The following CSMD1 variants were observed in gnomAD, a reference collection of about 807,000 sequenced individuals.
The protein encoded by CSMD1 is CUB and Sushi multiple domains 1.
CSMD1 carries 213 observed loss-of-function variants against 417.5 expected under a neutral mutation model. The ratio of observed to expected loss-of-function variants is 0.51; its 90% confidence interval spans 0.46 to 0.57. The LOEUF (loss-of-function observed/expected upper bound fraction) is 0.57, where lower values mean the gene tolerates loss of function less well. Ranked by LOEUF, CSMD1 falls within the 20% of genes least tolerant of loss-of-function variation. The pLI is 0.00. For missense variants in CSMD1, 6,923 were observed against 4,529.7 expected (o/e 1.53, Z -15.17); for synonymous variants, 2,862 against 1,736.8 (o/e 1.65, Z -16.11).
At chr8:4,255,384 A>C (rs532338371) in intron 3 of CSMD1, among the ~76,000 whole-genome samples, 1 of 152,350 alleles carries the variant, frequency 6.6e-6, no homozygotes, top group Admixed American at 6.5e-5. Flanking sequence ...GACTGAGCAA[A>C]AAAATTAAAG....
chr8:3,809,881 C>T (rs894575871), intron 5 of CSMD1, among the ~76,000 whole-genome samples: 3 of 152,152 alleles, frequency 2.0e-5, no homozygotes, highest in Admixed American at 1.3e-4. Flanking sequence ...TCACCCGTTA[C>T]GTACCTTTGC....
chr8:3,456,112 G>T (rs58111397), intron 12 of CSMD1, among the ~76,000 whole-genome samples: 16,207 of 152,206 alleles, frequency 0.11, 1,555 homozygotes, highest in East Asian at 0.35. Flanking sequence ...CTCAAAGCCA[G>T]GTGCAGGATA....
At chr8:3,674,257 C>T (rs964810961) in intron 7 of CSMD1, among the ~76,000 whole-genome samples, 45 of 152,194 alleles carry the variant, frequency 3.0e-4, no homozygotes, top group African/African-American at 1.0e-3. Flanking sequence ...TGTTAGTTGA[C>T]TGTAACCCAT....
intron 3 of CSMD1, among the ~76,000 whole-genome samples, chr8:4,088,527 G>C (rs1329898396): frequency 2.0e-5 from 3 of 152,110 alleles, no homozygotes; most frequent in Non-Finnish European, 4.4e-5. Context: ...TCACTGGTTA[G>C]GATGCAAAAC....
At position 3,387,660 on chromosome 8, in the gene CSMD1, G is replaced by A; in HGVS notation, c.2616C>T (p.Ser872=). The change falls in exon 18 of 70, where the codon TCC becomes TCT. Residue 872 remains serine, a synonymous_variant. Coordinates refer to ENST00000635120, the MANE Select transcript of CSMD1 (RefSeq NM_033225.6). ...TCACAGGGATGCCCGGGTCCAGGCA[G>A]GAATCCGACTCAAGCGTCACACCTG... ...HYESVTLESD[S]CLDPGIPVNG... 1 of 1,598,552 alleles carries A rather than the reference G, an allele frequency of 6.3e-7. No individual in the cohort carries two copies. Among genetic ancestry groups the A allele is most frequent in the Non-Finnish European group, 8.5e-7 (1 of 1,172,296 alleles).
intron 52 of CSMD1, among the ~76,000 whole-genome samples, chr8:3,017,035 A>G (rs1415969461): frequency 6.6e-6 from 1 of 152,242 alleles, no homozygotes; most frequent in East Asian, 1.9e-4. Flanking sequence ...CAAAGCACCA[A>G]CGAAGGCCTT....
chr8:3,357,343 T>G (rs944385244), intron 21 of CSMD1, among the ~76,000 whole-genome samples: 3 of 152,222 alleles, frequency 2.0e-5, no homozygotes, highest in African/African-American at 7.2e-5. Context: ...AGAGTCTTTT[T>G]GTCTTAACAT....
At chr8:4,335,006 G>C (rs4875336) in intron 3 of CSMD1, among the ~76,000 whole-genome samples, 119,983 of 152,020 alleles carry the variant, frequency 0.79, 47,616 homozygotes, top group Middle Eastern at 0.88. Flanking sequence ...CGTTGCCTAA[G>C]TGATCTTGTT....
intron 10 of CSMD1, among the ~76,000 whole-genome samples, chr8:3,528,427 G>C (rs1381417846): frequency 6.6e-6 from 1 of 152,184 alleles, no homozygotes; most frequent in South Asian, 2.1e-4. Flanking sequence ...GGCTCTGTAT[G>C]CAAGTCTAGC....
intron 6 of CSMD1, among the ~76,000 whole-genome samples, chr8:3,726,641 A>G (rs771432252): frequency 6.6e-6 from 1 of 152,070 alleles, no homozygotes; most frequent in Non-Finnish European, 1.5e-5. Flanking sequence ...ATCCTTTTTT[A>G]TGTTCCATCA....
intron 5 of CSMD1, among the ~76,000 whole-genome samples, chr8:3,973,921 T>G (rs1057512861): frequency 6.6e-6 from 1 of 152,210 alleles, no homozygotes; most frequent in Non-Finnish European, 1.5e-5. Context: ...GATACAGGAA[T>G]GCCATGTGAA....
intron 2 of CSMD1, among the ~76,000 whole-genome samples, chr8:4,458,452 TAA>T (rs1212665132): frequency 1.3e-5 from 2 of 152,190 alleles, no homozygotes; most frequent in East Asian, 3.8e-4. Context: ...AGTCTGAAGT[TAA>T]AGTTATGTGT....
rs545159621 is a variant in CSMD1 at position 3,606,372 on chromosome 8, G to A, written c.1097+10338C>T. Among the ~76,000 whole-genome samples, 10 of 152,282 alleles carry A rather than the reference G, an allele frequency of 6.6e-5. No homozygotes were observed. The South Asian group carries it at 1.9e-3, about 28-fold the overall frequency. ...TCCTCCCAGGCTATGAACCCATACG[G>A]CATGTTACTGTACTGAGTACTGTAG... On this transcript the variant is annotated intron_variant, in intron 8 of 69. Transcript: ENST00000635120.
In CSMD1 at chr8:3,287,455, G is replaced by C. The variant is rs537900074; in HGVS notation, c.3951-3109C>G. ...ATGAGCATGGAATGTTCTTCCATTT[G>C]TTTGTATCCTCTTTTATTTCCTTGA... On this transcript the variant is annotated intron_variant, in intron 25 of 69. Transcript: ENST00000635120. Among the ~76,000 whole-genome samples the C allele has an allele frequency of 2.1e-3, 323 of 152,224 alleles. 2 individuals carry two copies. Among genetic ancestry groups the C allele is most frequent in the African/African-American group, 7.2e-3 (300 of 41,530 alleles).
chr8:4,944,058 G>T (rs1391257617), intron 1 of CSMD1, among the ~76,000 whole-genome samples: 5 of 152,298 alleles, frequency 3.3e-5, no homozygotes, highest in East Asian at 1.9e-4. Flanking sequence ...AAGAAGTGAG[G>T]AAGATGTTTG....
At chr8:3,931,562 A>C (rs1474060486) in intron 5 of CSMD1, among the ~76,000 whole-genome samples, 4 of 150,164 alleles carry the variant, frequency 2.7e-5, no homozygotes, top group Non-Finnish European at 5.9e-5. Context: ...TTGTGGAGGG[A>C]GGTCAGGCAG....
At chr8:4,488,957 G>T (rs1801561186) in intron 2 of CSMD1, among the ~76,000 whole-genome samples, 1 of 152,082 alleles carries the variant, frequency 6.6e-6, no homozygotes, top group Non-Finnish European at 1.5e-5. Flanking sequence ...TTTCACCCAG[G>T]CTGAAGTGCA....
chr8:3,783,018 G>A (rs7841592), intron 5 of CSMD1, among the ~76,000 whole-genome samples: 31 of 152,148 alleles, frequency 2.0e-4, no homozygotes, highest in African/African-American at 5.8e-4. Flanking sequence ...ATAGCACATC[G>A]CAAGCACGCG....
At chr8:2,938,944 A>G (rs571015402) in intron 69 of CSMD1, among the ~76,000 whole-genome samples, 200 bp from the exon 70 acceptor site, 3 of 152,296 alleles carry the variant, frequency 2.0e-5, no homozygotes, top group African/African-American at 7.2e-5. Context: ...ATGGGTTTTA[A>G]AAAGTGAATC....
Sources: gnomAD v4.1 joint callset for allele counts (sites outside exome capture counted in the v4.1 genomes callset) on GRCh38, gnomAD v4.1.1 for gene constraint, MANE v1.5 for transcripts, NCBI Gene and HGNC (gene_info 2026-07-23, HGNC 2026-07-21) for gene names.